Variants in ENOX1 observed in about 807,000 individuals in gnomAD.
ENOX1 encodes the protein candidate growth-related and time keeping constitutive hydroquinone (NADH) oxidase.
ENOX1 carries 42 observed loss-of-function variants against 82.5 expected under a neutral mutation model. The ratio of observed to expected loss-of-function variants is 0.51; its 90% CI spans 0.40 to 0.66. The LOEUF is 0.66. Among genes scored for constraint, ENOX1 ranks in the 30% least tolerant of loss-of-function variants. The pLI is 0.00. For synonymous variants in ENOX1, 271 were observed against 282.2 expected, an observed-to-expected ratio of 0.96 and a Z score of 0.40; for missense variants, 608 against 811.6, an observed-to-expected ratio of 0.75 and a Z score of 3.05.
intron 14 of ENOX1, among the ~76,000 whole-genome samples, chr13:43,240,593 T>C (rs967099364): frequency 2.6e-5 from 4 of 151,902 alleles, no homozygotes; most frequent in African/African-American, 9.7e-5. Flanking sequence ...GGTGACCTGG[T>C]GGCTGATGAA....
chr13:43,511,897 C>T (rs917978360), intron 2 of ENOX1, among the ~76,000 whole-genome samples: 1 of 152,030 alleles, frequency 6.6e-6, no homozygotes, highest in Non-Finnish European at 1.5e-5. Flanking sequence ...AATTCCCTAG[C>T]TTAAGGCTGA....
At chr13:43,354,431 G>A (rs530462598) in intron 8 of ENOX1, among the ~76,000 whole-genome samples, 3 of 152,038 alleles carry the variant, frequency 2.0e-5, no homozygotes, top group South Asian at 2.1e-4. Context: ...GCCCTGGATG[G>A]GGGATGAAGA....
At chr13:43,561,521 T>C (rs2079667635) in intron 2 of ENOX1, among the ~76,000 whole-genome samples, 2 of 152,154 alleles carry the variant, frequency 1.3e-5, no homozygotes, top group African/African-American at 4.8e-5. Flanking sequence ...TGATGTAAAG[T>C]AGTGCCTGGG....
At chr13:43,379,146 T>C (rs1035940492) in intron 5 of ENOX1, among the ~76,000 whole-genome samples, 6 of 152,162 alleles carry the variant, frequency 3.9e-5, no homozygotes, top group African/African-American at 1.4e-4. Flanking sequence ...CGATGACATA[T>C]TGATTTTAGC....
chr13:43,763,238 G>C (rs1376628210), intron 1 of ENOX1, among the ~76,000 whole-genome samples: 1 of 152,150 alleles, frequency 6.6e-6, no homozygotes, highest in Non-Finnish European at 1.5e-5. Context: ...ATTTCTCACA[G>C]TTCTGGAGGC....
At chr13:43,471,630 G>T (rs1228561767) in intron 3 of ENOX1, among the ~76,000 whole-genome samples, 1 of 151,968 alleles carries the variant, frequency 6.6e-6, no homozygotes, top group Non-Finnish European at 1.5e-5. Context: ...CTAACATGGT[G>T]AAAGCCCATC....
intron 2 of ENOX1, 113 bp downstream of exon 2, chr13:43,667,366 T>A: frequency 1.4e-6 from 1 of 721,098 alleles, no homozygotes; most frequent in Non-Finnish European, 1.7e-6. Context: ...ACCCCAGATA[T>A]AACTAAGACA....
chr13:43,497,283 T>A (rs1316190330), intron 2 of ENOX1, among the ~76,000 whole-genome samples: 5 of 152,174 alleles, frequency 3.3e-5, no homozygotes, highest in Admixed American at 3.3e-4. Flanking sequence ...CTGACTGCAT[T>A]GGTTAGGACC....
intron 2 of ENOX1, among the ~76,000 whole-genome samples, chr13:43,490,991 T>G (rs1056375438): frequency 6.6e-6 from 1 of 152,194 alleles, no homozygotes; most frequent in Non-Finnish European, 1.5e-5. Context: ...TAGATTGCTA[T>G]AAAGAAACAT....
intron 2 of ENOX1, among the ~76,000 whole-genome samples, chr13:43,566,821 A>C (rs1218933551): frequency 6.6e-6 from 1 of 152,148 alleles, no homozygotes; most frequent in African/African-American, 2.4e-5. Flanking sequence ...AAATGTTCAC[A>C]CATGTGAAAA....
intron 2 of ENOX1, among the ~76,000 whole-genome samples, chr13:43,530,419 T>C (rs930012723): frequency 6.6e-6 from 1 of 152,104 alleles, no homozygotes; most frequent in Non-Finnish European, 1.5e-5. Context: ...TTTCTTCACA[T>C]AGAGCTAGCT....
At chr13:43,346,287 G>A (rs910312256) in intron 8 of ENOX1, among the ~76,000 whole-genome samples, 1 of 152,138 alleles carries the variant, frequency 6.6e-6, no homozygotes, top group Non-Finnish European at 1.5e-5. Context: ...GGAAACCTCT[G>A]CCTTCCCCAG....
chr13:43,778,523 G>A (rs923703136), intron 1 of ENOX1, among the ~76,000 whole-genome samples: 4 of 152,054 alleles, frequency 2.6e-5, no homozygotes, highest in African/African-American at 9.7e-5. Context: ...AGGTCTTCCA[G>A]AAACTGATGG....
At chr13:43,450,632 G>C (rs1393435828) in intron 3 of ENOX1, among the ~76,000 whole-genome samples, 1 of 152,160 alleles carries the variant, frequency 6.6e-6, no homozygotes, top group Non-Finnish European at 1.5e-5. Flanking sequence ...AGCAGGCTCT[G>C]TGGTATAGGG....
intron 16 of ENOX1, among the ~76,000 whole-genome samples, chr13:43,221,280 C>T (rs910425153): frequency 4.6e-5 from 7 of 152,166 alleles, no homozygotes; most frequent in Non-Finnish European, 8.8e-5. Context: ...GAAGAGCAGA[C>T]GAACCCTCCT....
rs547914505 is a variant in ENOX1 at position 43,396,775 on chromosome 13, T to C, written c.208+15141A>G. ...CTTCCAGATATTAACCAGATGTTAG[T>C]CATTTTAGCATTGTGCATATTAATG... On this transcript the variant is annotated intron_variant, in intron 5 of 16. Coordinates refer to ENST00000690772, the MANE Select transcript of ENOX1 (RefSeq NM_001347969.2). 3.3e-5 allele frequency among the ~76,000 whole-genome samples: 5 copies of C among 152,330 alleles called. No individual in the cohort carries two copies. The South Asian group carries it at 1.0e-3, about 32-fold the overall frequency.
intron 11 of ENOX1, among the ~76,000 whole-genome samples, chr13:43,313,802 C>A (rs530276919): frequency 8.5e-5 from 13 of 152,254 alleles, no homozygotes; most frequent in African/African-American, 2.9e-4. Flanking sequence ...ACCATGGTTT[C>A]TTTCAAGACT....
chr13:43,297,269 AGTT>A (rs1328418855), intron 12 of ENOX1, among the ~76,000 whole-genome samples: 3 of 152,180 alleles, frequency 2.0e-5, no homozygotes, highest in Non-Finnish European at 2.9e-5. Context: ...TATCTGTAGT[AGTT>A]ACCTCTAATC....
chr13:43,478,063 T>C (rs75803728), intron 3 of ENOX1, among the ~76,000 whole-genome samples: 10 of 149,344 alleles, frequency 6.7e-5, no homozygotes, highest in African/African-American at 2.5e-4. Flanking sequence ...GGTTTTTTTT[T>C]TTTTTTTTTT....
Sources: allele counts gnomAD v4.1 joint callset (sites outside exome capture counted in the v4.1 genomes callset), GRCh38; gene constraint gnomAD v4.1.1; transcripts MANE v1.5; gene names NCBI Gene and HGNC (gene_info 2026-07-23, HGNC 2026-07-21).